Variants in THRB observed in about 807,000 individuals in gnomAD.
The protein encoded by THRB is thyroid hormone receptor beta, also known as nuclear receptor subfamily 1 group A member 2.
Under a neutral mutation model 47.8 loss-of-function variants are expected in THRB, and 12 were observed. The observed-to-expected ratio is 0.25, with a 90% CI of 0.16 to 0.41. THRB has a LOEUF of 0.41. Among genes scored for constraint, THRB ranks in the 10% least tolerant of loss-of-function variants. THRB has a pLI of 1.00. For missense variants in THRB, 348 were observed against 589.2 expected (o/e 0.59, Z 4.24); for synonymous variants, 218 against 212.2 (o/e 1.03, Z -0.24).
chr3:24,258,000 G>T (rs1263192813), intron 3 of THRB, among the ~76,000 whole-genome samples: 1 of 152,190 alleles, frequency 6.6e-6, no homozygotes, highest in Non-Finnish European at 1.5e-5. Context: ...TGGAGAATCA[G>T]GGTCTGTAGT....
chr3:24,473,746 T>A (rs1456080551), intron 1 of THRB, among the ~76,000 whole-genome samples: 3 of 152,292 alleles, frequency 2.0e-5, no homozygotes, highest in Non-Finnish European at 4.4e-5. Flanking sequence ...ACACCACATA[T>A]ACTATGGAGC....
intron 1 of THRB, among the ~76,000 whole-genome samples, chr3:24,438,622 G>A (rs2071227746): frequency 6.6e-6 from 1 of 152,038 alleles, no homozygotes; most frequent in Non-Finnish European, 1.5e-5. Flanking sequence ...GCCCTCAGGG[G>A]GCATCTGTTC....
At chr3:24,150,090 A>G (rs774244429) in intron 6 of THRB, among the ~76,000 whole-genome samples, 1 of 152,230 alleles carries the variant, frequency 6.6e-6, no homozygotes, top group Non-Finnish European at 1.5e-5. Flanking sequence ...TTCTCTAAAA[A>G]TAGTTTGCTG....
intron 1 of THRB, among the ~76,000 whole-genome samples, chr3:24,377,845 T>C (rs1011617409): frequency 5.3e-5 from 8 of 152,032 alleles, no homozygotes; most frequent in Non-Finnish European, 1.0e-4. Context: ...ATTCCATGAG[T>C]CTATGAAATA....
At chr3:24,271,897 T>C (rs1334738518) in intron 3 of THRB, among the ~76,000 whole-genome samples, 1 of 152,168 alleles carries the variant, frequency 6.6e-6, no homozygotes. Flanking sequence ...TGGTAAATGA[T>C]GTAGAGAAAA....
At chr3:24,147,368 T>C (rs2149042242) in intron 6 of THRB, among the ~76,000 whole-genome samples, 1 of 152,358 alleles carries the variant, frequency 6.6e-6, no homozygotes, top group South Asian at 2.1e-4. Context: ...TTTTGAATCT[T>C]GAGACAGCCA....
intron 1 of THRB, among the ~76,000 whole-genome samples, chr3:24,398,127 A>G (rs1395878777): frequency 6.6e-6 from 1 of 152,146 alleles, no homozygotes; most frequent in Non-Finnish European, 1.5e-5. Context: ...AATACCAGTA[A>G]TTAACTCTCA....
chr3:24,209,967 T>G (rs2045846963), intron 4 of THRB, among the ~76,000 whole-genome samples: 1 of 152,246 alleles, frequency 6.6e-6, no homozygotes, highest in South Asian at 2.1e-4. Context: ...TTATTCTGTT[T>G]GTTCTGATAC....
chr3:24,357,513 A>G (rs1479052852), intron 1 of THRB, among the ~76,000 whole-genome samples: 3 of 152,022 alleles, frequency 2.0e-5, no homozygotes, highest in African/African-American at 7.2e-5. Flanking sequence ...TGTGACCCTC[A>G]TTAAAACCTT....
chr3:24,481,403 T>A (rs1270401223), intron 1 of THRB, among the ~76,000 whole-genome samples: 1 of 152,048 alleles, frequency 6.6e-6, no homozygotes, highest in Non-Finnish European at 1.5e-5. Context: ...ATCCTAATTA[T>A]ATGAAAAGAG....
At position 24,190,069 on chromosome 3, in the gene THRB, G is replaced by T; in HGVS notation, c.283+5C>A. ...ATGATAATGGGCTAATAAAAATCTG[G>T]TTACCTTTACATTTCTTCTCCTCCG... On this transcript the variant is annotated splice_donor_5th_base_variant and intron_variant, in intron 5 of 10. Coordinates refer to ENST00000646209, the MANE Select transcript of THRB (RefSeq NM_001354712.2). The T allele has an allele frequency of 6.2e-7, 1 of 1,613,952 alleles. No homozygotes were observed. Among genetic ancestry groups the T allele is most frequent in the Non-Finnish European group, 8.5e-7 (1 of 1,179,864 alleles).
intron 1 of THRB, among the ~76,000 whole-genome samples, chr3:24,441,246 C>T (rs1283194786): frequency 2.0e-5 from 3 of 152,142 alleles, no homozygotes; most frequent in Non-Finnish European, 4.4e-5. Flanking sequence ...GAGTCCTATA[C>T]TAAGTAAAGC....
intron 3 of THRB, among the ~76,000 whole-genome samples, chr3:24,290,006 G>A (rs2055757245): frequency 6.6e-6 from 1 of 152,026 alleles, no homozygotes; most frequent in Non-Finnish European, 1.5e-5. Flanking sequence ...TTTTAACTGT[G>A]GCAGACAACA....
chr3:24,430,531 T>TTATATTTATATATATA (rs2070278975), intron 1 of THRB, among the ~76,000 whole-genome samples: 1 of 152,098 alleles, frequency 6.6e-6, no homozygotes. Flanking sequence ...TATAAATTTA[T>TTATATTTATATATATA]TACCACTGAA....
chr3:24,477,842 C>A (rs1462462110), intron 1 of THRB, among the ~76,000 whole-genome samples: 1 of 150,860 alleles, frequency 6.6e-6, no homozygotes, highest in African/African-American at 2.4e-5. Context: ...CAAAAAAGTA[C>A]AAGCAATGCA....
rs1048991222 is a variant in THRB, at chr3:24,119,702, C to G, written c.*3182G>C. On this transcript the variant is annotated 3_prime_UTR_variant, in exon 11 of 11. Coordinates refer to ENST00000646209, the MANE Select transcript of THRB (RefSeq NM_001354712.2). ...GAGGGGCTTCGCTGGGCTGAGGCATCAACAGGTCAAGCGCGTCATTGAGGA... is the reference window on the plus strand; with the variant it reads ...GAGGGGCTTCGCTGGGCTGAGGCATGAACAGGTCAAGCGCGTCATTGAGGA... 3 of 152,254 alleles carry G rather than the reference C, an allele frequency of 2.0e-5. No homozygotes were observed. The highest frequency in any genetic ancestry group is 7.2e-5 in the African/African-American group (3 of 41,440). 9.4% of individuals were successfully genotyped at this position (152,254 alleles called of 1,614,324 possible).
At chr3:24,279,561 ATT>A (rs35249696) in intron 3 of THRB, among the ~76,000 whole-genome samples, 4 of 141,092 alleles carry the variant, frequency 2.8e-5, no homozygotes, top group Admixed American at 7.0e-5. Flanking sequence ...ATTTTTTTGT[ATT>A]TTTTTTTTTT....
intron 1 of THRB, among the ~76,000 whole-genome samples, chr3:24,346,505 G>A (rs1039681711): frequency 2.0e-5 from 3 of 151,892 alleles, no homozygotes; most frequent in African/African-American, 7.2e-5. Context: ...CAGAAAAACA[G>A]TTCACAAAAT....
intron 3 of THRB, among the ~76,000 whole-genome samples, chr3:24,234,041 G>A (rs2048618703): frequency 6.6e-6 from 1 of 152,222 alleles, no homozygotes; most frequent in South Asian, 2.1e-4. Flanking sequence ...GGCGCTGTGT[G>A]TATGAAATGG....
Sources: gnomAD v4.1 joint callset for allele counts (sites outside exome capture counted in the v4.1 genomes callset) on GRCh38, gnomAD v4.1.1 for gene constraint, MANE v1.5 for transcripts, NCBI Gene and HGNC (gene_info 2026-07-23, HGNC 2026-07-21) for gene names.